Variants in ARID1B observed in about 807,000 individuals in gnomAD.
ARID1B encodes AT-rich interaction domain 1B, also known as AT-rich interactive domain-containing protein 1B.
In ARID1B, 30 loss-of-function variants were observed where a neutral mutation model predicts 212.3. The observed-to-expected ratio is 0.14, with a 90% CI of 0.11 to 0.19. The LOEUF (loss-of-function observed/expected upper bound fraction) is 0.19, where lower values mean the gene tolerates loss of function less well. Among genes scored for constraint, ARID1B ranks in the 10% least tolerant of loss-of-function variants. ARID1B has a pLI of 1.00. For missense variants in ARID1B, 2,891 were observed against 3,204.0 expected (o/e 0.90, Z 2.36); for synonymous variants, 1,402 against 1,301.7 (o/e 1.08, Z -1.66).
chr6:157,171,445 T>C (rs1204559736), intron 9 of ARID1B, among the ~76,000 whole-genome samples: 3 of 152,188 alleles, frequency 2.0e-5, no homozygotes, highest in Non-Finnish European at 4.4e-5. Flanking sequence ...GCCCCTGGAG[T>C]CCCATTGCCT....
intron 7 of ARID1B, among the ~76,000 whole-genome samples, chr6:157,147,784 C>A (rs1394773849): frequency 6.5e-5 from 5 of 77,458 alleles, no homozygotes; most frequent in Admixed American, 2.5e-4. Flanking sequence ...TCCGGCCCTG[C>A]CCTCCGTCCC....
chr6:156,929,875 C>T (rs1000297805), intron 3 of ARID1B, among the ~76,000 whole-genome samples: 1 of 152,004 alleles, frequency 6.6e-6, no homozygotes, highest in Non-Finnish European at 1.5e-5. Flanking sequence ...CTCCATTCCT[C>T]CATCATCTGT....
intron 7 of ARID1B, among the ~76,000 whole-genome samples, chr6:157,146,908 C>A (rs981479348): frequency 4.6e-5 from 7 of 152,142 alleles, no homozygotes; most frequent in African/African-American, 1.7e-4. Flanking sequence ...TTTTATTGGT[C>A]AAATACATGG....
chr6:156,984,156 C>A (rs1777783652), intron 4 of ARID1B, among the ~76,000 whole-genome samples: 1 of 152,060 alleles, frequency 6.6e-6, no homozygotes, highest in East Asian at 1.9e-4. Context: ...TTGAGCGTCT[C>A]CAGGAGGTAT....
In ARID1B at chr6:156,797,998, GC is replaced by G. The variant is rs550982535; in HGVS notation, c.1791+18528del. Among the ~76,000 whole-genome samples the G allele has an allele frequency of 1.4e-3, 214 of 152,366 alleles. 1 individual carries two copies. Among genetic ancestry groups the G allele is most frequent in the Non-Finnish European group, 3.5e-4 (24 of 68,040 alleles). ...TGAGGAATGCCCAGTAAGCCTGGGG[GC>G]TGACATTGTGGTCATTTCGTCACTG... On this transcript the variant is annotated intron_variant, in intron 1 of 19. Transcript: ENST00000636930.
intron 1 of ARID1B, among the ~76,000 whole-genome samples, chr6:156,793,229 T>C (rs957657539): frequency 1.3e-5 from 2 of 152,124 alleles, no homozygotes; most frequent in Non-Finnish European, 2.9e-5. Flanking sequence ...AAGGTCAGGA[T>C]GGCCAAGTGG....
At chr6:156,856,529 G>A (rs752171243) in intron 2 of ARID1B, among the ~76,000 whole-genome samples, 7 of 152,140 alleles carry the variant, frequency 4.6e-5, no homozygotes, top group Middle Eastern at 3.2e-3. Context: ...GTTGCATCCA[G>A]ACTCTGACCT....
At chr6:157,074,467 C>T (rs558371746) in intron 4 of ARID1B, among the ~76,000 whole-genome samples, 10 of 152,188 alleles carry the variant, frequency 6.6e-5, no homozygotes, top group South Asian at 2.1e-4. Context: ...TCAGATGATC[C>T]GCCCACCTCG....
intron 2 of ARID1B, among the ~76,000 whole-genome samples, chr6:156,897,521 A>G (rs1168425390): frequency 6.6e-6 from 1 of 151,666 alleles, no homozygotes; most frequent in Non-Finnish European, 1.5e-5. Flanking sequence ...TGATCTGCCT[A>G]CCTTGGCCTC....
intron 4 of ARID1B, among the ~76,000 whole-genome samples, chr6:157,069,759 G>A (rs1783895761): frequency 2.0e-5 from 3 of 152,206 alleles, no homozygotes; most frequent in Admixed American, 2.0e-4. Flanking sequence ...ATCATGAGTG[G>A]TAGGTAATGA....
intron 4 of ARID1B, among the ~76,000 whole-genome samples, chr6:156,947,513 A>T (rs1257593579): frequency 6.6e-6 from 1 of 151,996 alleles, no homozygotes; most frequent in Non-Finnish European, 1.5e-5. Context: ...TTTGAAAGAT[A>T]TCCCCTTTTA....
At chr6:157,065,126 C>T (rs1021139258) in intron 4 of ARID1B, among the ~76,000 whole-genome samples, 1 of 152,192 alleles carries the variant, frequency 6.6e-6, no homozygotes, top group African/African-American at 2.4e-5. Flanking sequence ...AAATTCACCT[C>T]TCCACGTCCC....
At chr6:156,863,631 A>G (rs1287631184) in intron 2 of ARID1B, among the ~76,000 whole-genome samples, 1 of 152,216 alleles carries the variant, frequency 6.6e-6, no homozygotes, top group African/African-American at 2.4e-5. Context: ...GGAGAGTTGT[A>G]TCTCTATTTT....
At chr6:156,939,682 T>A (rs1258951419) in intron 4 of ARID1B, 2 of 152,174 alleles carry the variant, frequency 1.3e-5, no homozygotes, top group Non-Finnish European at 2.9e-5. Flanking sequence ...GATGTCTGCA[T>A]CGCCAGGTGG....
At chr6:157,106,745 C>T (rs913327242) in intron 5 of ARID1B, among the ~76,000 whole-genome samples, 3 of 152,072 alleles carry the variant, frequency 2.0e-5, no homozygotes, top group African/African-American at 7.2e-5. Context: ...GATTACTCAC[C>T]GGTGTTACTC....
At position 156,778,180 on chromosome 6, in the gene ARID1B, ACCACCACCACCACCATGC is replaced by A. The variant is rs750515649; in HGVS notation, c.516_533del (p.Ala173_His178del). Reference sequence around the variant, plus strand: ...CCCGCCGCGCCGCCCCACCAGCAGCACCACCACCACCACCATGCCCACCACCACCACCACCATGCCCAC... The same window carrying A: ...CCCGCCGCGCCGCCCCACCAGCAGCACCACCACCACCACCACCATGCCCAC... On this transcript the variant is annotated inframe_deletion, in exon 1 of 20. Coordinates refer to ENST00000636930, the MANE Select transcript of ARID1B (RefSeq NM_001374828.1). 21 of 1,532,948 alleles carry A rather than the reference ACCACCACCACCACCATGC, an allele frequency of 1.4e-5. No individual in the cohort carries two copies. The highest frequency in any genetic ancestry group is 6.9e-5 in the African/African-American group (5 of 72,614). 95.0% of individuals were successfully genotyped at this position (1,532,948 alleles called of 1,614,324 possible). A position where few individuals can be genotyped will look rare whatever the true frequency, so the allele number is the denominator to read the frequency against.
At chr6:157,158,437 C>T (rs906863697) in intron 8 of ARID1B, among the ~76,000 whole-genome samples, 6 of 152,208 alleles carry the variant, frequency 3.9e-5, no homozygotes, top group African/African-American at 1.2e-4. Flanking sequence ...GGATGGAGAA[C>T]TCAGGACCCA....
intron 5 of ARID1B, among the ~76,000 whole-genome samples, chr6:157,099,357 A>G (rs1233951570): frequency 6.6e-6 from 1 of 152,014 alleles, no homozygotes; most frequent in African/African-American, 2.4e-5. Flanking sequence ...CTTGCCAGAG[A>G]CTTTTCAGTT....
chr6:157,168,563 A>G (rs1791493676), intron 9 of ARID1B: 1 of 152,146 alleles, frequency 6.6e-6, no homozygotes, highest in South Asian at 2.1e-4. Flanking sequence ...TTGAAACCAC[A>G]CAATCAGTTT....
Sources: allele counts gnomAD v4.1 joint callset (sites outside exome capture counted in the v4.1 genomes callset), GRCh38; gene constraint gnomAD v4.1.1; transcripts MANE v1.5; gene names NCBI Gene and HGNC (gene_info 2026-07-23, HGNC 2026-07-21).